The following AP3B1 variants were observed in gnomAD, a reference collection of about 807,000 sequenced individuals.
AP3B1 encodes adaptor related protein complex 3 subunit beta 1.
In AP3B1, 61 loss-of-function variants were observed where a neutral mutation model predicts 132.5. The observed-to-expected ratio is 0.46, with a 90% confidence interval of 0.37 to 0.57. The LOEUF is 0.57. Among genes scored for constraint, AP3B1 ranks in the 20% least tolerant of loss-of-function variants. The pLI, the probability that AP3B1 is intolerant of heterozygous loss-of-function variation, is 0.00. For missense variants in AP3B1, 1,120 were observed against 1,289.4 expected (o/e 0.87, Z 2.01); for synonymous variants, 388 against 438.3 (o/e 0.89, Z 1.43).
chr5:78,189,587 C>T (rs934000155), intron 7 of AP3B1, among the ~76,000 whole-genome samples: 9 of 151,920 alleles, frequency 5.9e-5, no homozygotes, highest in African/African-American at 4.8e-5. Flanking sequence ...AAAAATTATG[C>T]GGCCAGGCAT....
chr5:78,143,991 C>T (rs1452885125), intron 14 of AP3B1, among the ~76,000 whole-genome samples: 2 of 151,710 alleles, frequency 1.3e-5, no homozygotes, highest in African/African-American at 4.8e-5. Context: ...GGTGACAGAG[C>T]GAGACTCTGT....
At chr5:78,225,967 T>C (rs1160515557) in intron 5 of AP3B1, among the ~76,000 whole-genome samples, 1 of 152,072 alleles carries the variant, frequency 6.6e-6, no homozygotes, top group African/African-American at 2.4e-5. Context: ...CAGTCATTAT[T>C]TTACTATGCA....
At chr5:78,059,014 A>G (rs1254204858) in intron 22 of AP3B1, among the ~76,000 whole-genome samples, 1 of 152,266 alleles carries the variant, frequency 6.6e-6, no homozygotes. Flanking sequence ...CCTAATCCAC[A>G]GAACCAATGA....
chr5:78,111,916 AG>A (rs1751608873), intron 19 of AP3B1, among the ~76,000 whole-genome samples: 2 of 152,206 alleles, frequency 1.3e-5, no homozygotes, highest in African/African-American at 4.8e-5. Flanking sequence ...GCACATAACA[AG>A]AGGGGCAGAA....
At chr5:78,061,372 G>A (rs1029406356) in intron 22 of AP3B1, among the ~76,000 whole-genome samples, 2 of 152,132 alleles carry the variant, frequency 1.3e-5, no homozygotes, top group African/African-American at 2.4e-5. Context: ...TTGGTGAGTG[G>A]TATGTCTACA....
rs955168709 is a variant in AP3B1, at chr5:78,294,566, C to T, written c.14G>A (p.Ser5Asn). 2 of 1,614,078 alleles carry T rather than the reference C, an allele frequency of 1.2e-6. No homozygotes were observed. The highest frequency in any genetic ancestry group is 2.7e-5 in the African/African-American group (2 of 74,950). Residue 5 changes from serine (S) to asparagine (N), a missense_variant, in exon 1 of 27, where the codon AGT becomes AAT. This residue lies in a region of AP3B1 where 85 missense variants were observed against 79.9 expected (regional missense o/e 1.06). Coordinates refer to ENST00000255194, the MANE Select transcript of AP3B1 (RefSeq NM_003664.5). Reference sequence around the variant, plus strand: ...TCCGGACTGCTCATTGTAAGGAAAACTATTGCTGGACATTGCCGCGGTGCT... The same window carrying T: ...TCCGGACTGCTCATTGTAAGGAAAATTATTGCTGGACATTGCCGCGGTGCT... MSSN[S>N]FPYNEQSGGG... is the part of the protein sequence containing the mutation.
At chr5:78,171,710 C>A (rs1743926030) in intron 11 of AP3B1, among the ~76,000 whole-genome samples, 1 of 152,158 alleles carries the variant, frequency 6.6e-6, no homozygotes, top group Non-Finnish European at 1.5e-5. Context: ...TTCCTCTTTT[C>A]CTAATTGAAT....
At chr5:78,169,671 T>C (rs935057781) in intron 11 of AP3B1, among the ~76,000 whole-genome samples, 4 of 151,992 alleles carry the variant, frequency 2.6e-5, no homozygotes, top group African/African-American at 9.7e-5. Context: ...CAAGCAATCC[T>C]CCCACCTTAG....
chr5:78,160,604 A>G (rs576879434), intron 13 of AP3B1, among the ~76,000 whole-genome samples: 8 of 152,228 alleles, frequency 5.3e-5, no homozygotes, highest in African/African-American at 1.2e-4. Flanking sequence ...TCATTATTTG[A>G]ACAGATGATG....
chr5:78,180,608 T>C (rs1044611448), intron 8 of AP3B1, among the ~76,000 whole-genome samples: 38 of 151,950 alleles, frequency 2.5e-4, no homozygotes, highest in African/African-American at 8.4e-4. Flanking sequence ...TTAAGATCAA[T>C]TGGTATTAAA....
intron 2 of AP3B1, among the ~76,000 whole-genome samples, chr5:78,256,328 G>T (rs1407878905): frequency 6.6e-6 from 1 of 151,812 alleles, no homozygotes; most frequent in Non-Finnish European, 1.5e-5. Flanking sequence ...AAATGAAAAA[G>T]AAGATATTAC....
intron 7 of AP3B1, among the ~76,000 whole-genome samples, chr5:78,196,386 A>T (rs1340265250): frequency 6.6e-6 from 1 of 152,214 alleles, no homozygotes; most frequent in East Asian, 1.9e-4. Flanking sequence ...ACAGACAAGG[A>T]TATAAAGTGA....
intron 22 of AP3B1, among the ~76,000 whole-genome samples, chr5:78,052,480 T>G (rs1207204129): frequency 6.6e-6 from 1 of 152,192 alleles, no homozygotes; most frequent in Non-Finnish European, 1.5e-5. Context: ...AACATTAAAA[T>G]GATATGAAAT....
rs190952982 is a variant in AP3B1, at chr5:78,230,558, C to T, written c.280-2319G>A. On this transcript the variant is annotated intron_variant, in intron 3 of 26. Coordinates refer to ENST00000255194, the MANE Select transcript of AP3B1 (RefSeq NM_003664.5). Reference sequence around the variant, plus strand: ...TACTCAATACAGTTTATAATCTGTTCGAAACCTCCTTTCCTAGTCAAACAG... The same window carrying T: ...TACTCAATACAGTTTATAATCTGTTTGAAACCTCCTTTCCTAGTCAAACAG... Among the ~76,000 whole-genome samples the T allele has an allele frequency of 3.0e-4, 45 of 152,258 alleles. No individual in the cohort carries two copies. In the Middle Eastern group the frequency reaches 0.017, roughly 58 times the overall value.
intron 2 of AP3B1, among the ~76,000 whole-genome samples, chr5:78,262,649 T>C (rs1748143391): frequency 6.6e-6 from 1 of 152,216 alleles, no homozygotes; most frequent in South Asian, 2.1e-4. Flanking sequence ...TCATAGGTTT[T>C]GAAATCAGGA....
intron 1 of AP3B1, among the ~76,000 whole-genome samples, chr5:78,278,628 G>GAAAAAAAAAAA (rs1561217286): frequency 4.7e-5 from 2 of 42,656 alleles, no homozygotes; most frequent in African/African-American, 1.5e-4. Context: ...AAAAAAAAGG[G>GAAAAAAAAAAA]GGGGGGGGAC....
chr5:78,081,393 C>T (rs982591943), intron 22 of AP3B1, among the ~76,000 whole-genome samples: 1 of 150,460 alleles, frequency 6.6e-6, no homozygotes, highest in South Asian at 2.1e-4. Flanking sequence ...CTGCTAGCTC[C>T]GCCTCCCGGG....
At position 78,240,904 on chromosome 5, in the gene AP3B1, C is replaced by G. The variant is rs1047325794; in HGVS notation, c.237G>C (p.Leu79=). The change falls in exon 3 of 27, where the codon CTG becomes CTC. Residue 79 remains leucine, a synonymous_variant. Coordinates refer to ENST00000255194, the MANE Select transcript of AP3B1 (RefSeq NM_003664.5). ...CCACATTCTTCACAACAGCAGGAAACAGTTCAGATGCATTTTTCCCTTTTG... is the reference window on the plus strand; with the variant it reads ...CCACATTCTTCACAACAGCAGGAAAGAGTTCAGATGCATTTTTCCCTTTTG... ...MIAKGKNASE[L]FPAVVKNVAS... 1.2e-6 allele frequency: 2 copies of G among 1,613,204 alleles called. 1 individual carries two copies. The highest frequency in any genetic ancestry group is 4.5e-5 in the East Asian group (2 of 44,772).
chr5:78,056,058 A>G (rs1748799984), intron 22 of AP3B1, among the ~76,000 whole-genome samples: 1 of 152,206 alleles, frequency 6.6e-6, no homozygotes, highest in East Asian at 1.9e-4. Context: ...CTTCAGTACC[A>G]AAATGACAGA....
Sources: gnomAD v4.1 joint callset for allele counts (sites outside exome capture counted in the v4.1 genomes callset) on GRCh38, gnomAD v4.1.1 for gene constraint, gnomAD v4.1.1 regional missense constraint, MANE v1.5 for transcripts, NCBI Gene and HGNC (gene_info 2026-07-23, HGNC 2026-07-21) for gene names.